The following RGS7 variants were observed in gnomAD, a reference collection of about 807,000 sequenced individuals.
The protein encoded by RGS7 is regulator of G-protein signaling 7.
In RGS7, 27 loss-of-function variants were observed where a neutral mutation model predicts 81.1. The observed-to-expected ratio is 0.33, with a 90% CI of 0.25 to 0.46. The LOEUF (loss-of-function observed/expected upper bound fraction) is 0.46, where lower values mean the gene tolerates loss of function less well. Among genes scored for constraint, RGS7 ranks in the 20% least tolerant of loss-of-function variants. The probability of loss-of-function intolerance (pLI) is 1.00; values close to 1 mark genes in which losing one functional copy is unlikely to be tolerated. For missense variants in RGS7, 396 were observed against 607.4 expected (o/e 0.65, Z 3.66); for synonymous variants, 208 against 207.7 (o/e 1.00, Z -0.01).
intron 2 of RGS7, among the ~76,000 whole-genome samples, chr1:241,307,237 T>C (rs1334701069): frequency 6.6e-6 from 1 of 152,158 alleles, no homozygotes; most frequent in Non-Finnish European, 1.5e-5. Context: ...CTGAAAATGC[T>C]CTCTTTCTAC....
intron 3 of RGS7, among the ~76,000 whole-genome samples, chr1:241,045,403 G>A (rs922044215): frequency 1.3e-5 from 2 of 151,748 alleles, no homozygotes; most frequent in South Asian, 2.1e-4. Context: ...TCACTGTGTC[G>A]CCCAGGCTGG....
chr1:241,316,653 C>T (rs1426485545), intron 2 of RGS7, among the ~76,000 whole-genome samples: 1 of 152,096 alleles, frequency 6.6e-6, no homozygotes, highest in Admixed American at 6.5e-5. Context: ...CTGGTGAAGA[C>T]GGTTTACTAG....
At position 240,973,614 on chromosome 1, in the gene RGS7, G is replaced by T. The variant is rs571063339; in HGVS notation, c.226+9465C>A. On this transcript the variant is annotated intron_variant, in intron 4 of 18. Transcript: ENST00000440928. ...AGAGACATTCTTTTTTTTGGAGATGGAGTCTCGCTCTGTTGCCCAGGCTGG... is the reference window on the plus strand; with the variant it reads ...AGAGACATTCTTTTTTTTGGAGATGTAGTCTCGCTCTGTTGCCCAGGCTGG... Among the ~76,000 whole-genome samples, 3 of 151,874 alleles carry T rather than the reference G, an allele frequency of 2.0e-5. No homozygotes were observed. The South Asian group carries it at 6.2e-4, about 32-fold the overall frequency.
intron 2 of RGS7, among the ~76,000 whole-genome samples, chr1:241,242,739 G>A (rs991010775): frequency 6.6e-6 from 1 of 152,120 alleles, no homozygotes; most frequent in African/African-American, 2.4e-5. Flanking sequence ...TAGTGATGTT[G>A]AGGATTTTTT....
At chr1:240,863,544 A>T (rs1422409433) in intron 9 of RGS7, among the ~76,000 whole-genome samples, 1 of 152,230 alleles carries the variant, frequency 6.6e-6, no homozygotes, top group Non-Finnish European at 1.5e-5. Context: ...AGGTTGTTAC[A>T]CAATATTATC....
chr1:240,862,944 T>TGC lies in RGS7; in HGVS notation c.609+5642_609+5643insGC, dbSNP rs540956526. Among the ~76,000 whole-genome samples, 297 of 151,886 alleles carry TGC rather than the reference T, an allele frequency of 2.0e-3. 3 individuals carry two copies. The highest frequency in any genetic ancestry group is 6.9e-3 in the African/African-American group (287 of 41,396). ...CTAAATATGTGTGTGTGTGTGTGTG[T>TGC]GTGTGTGTGTGTTTGTGTGTGTATT... On this transcript the variant is annotated intron_variant, in intron 9 of 18. Coordinates refer to ENST00000440928, the MANE Select transcript of RGS7 (RefSeq NM_001364886.1).
chr1:241,340,193 T>C lies in RGS7; in HGVS notation c.78+15506A>G, dbSNP rs80321095. ...ACCACATCGATTAAAAGAAATATTA[T>C]GAAAAGAATGCATAATTGCCTGAGA... On this transcript the variant is annotated intron_variant, in intron 2 of 18. Transcript: ENST00000440928. 5.3e-3 allele frequency among the ~76,000 whole-genome samples: 801 copies of C among 152,280 alleles called. 4 individuals carry two copies. The highest frequency in any genetic ancestry group is 0.018 in the African/African-American group (733 of 41,564).
intron 3 of RGS7, among the ~76,000 whole-genome samples, chr1:241,016,449 C>A (rs1850630): frequency 6.6e-6 from 1 of 151,794 alleles, no homozygotes; most frequent in African/African-American, 2.4e-5. Flanking sequence ...ACCCAGGAGG[C>A]GGAGGTTGCA....
intron 2 of RGS7, among the ~76,000 whole-genome samples, chr1:241,261,125 G>A (rs2148282776): frequency 6.6e-6 from 1 of 151,656 alleles, no homozygotes; most frequent in Non-Finnish European, 1.5e-5. Context: ...ACAAACAAAA[G>A]GCAGTGTTTT....
intron 3 of RGS7, among the ~76,000 whole-genome samples, chr1:241,025,255 G>A (rs2059728199): frequency 6.6e-6 from 1 of 152,208 alleles, no homozygotes; most frequent in African/African-American, 2.4e-5. Flanking sequence ...AGAAGTAGTG[G>A]CAGCAACATC....
At chr1:240,814,219 A>G (rs753300564) in intron 12 of RGS7, among the ~76,000 whole-genome samples, 6 of 152,254 alleles carry the variant, frequency 3.9e-5, no homozygotes, top group Non-Finnish European at 8.8e-5. Flanking sequence ...GGGAGGTAGG[A>G]TTTGGCAATG....
chr1:241,161,802 C>T (rs540354245), intron 2 of RGS7, among the ~76,000 whole-genome samples: 1 of 151,352 alleles, frequency 6.6e-6, no homozygotes, highest in East Asian at 1.9e-4. Flanking sequence ...ACTGCAACCT[C>T]CACCTCCCAG....
intron 3 of RGS7, among the ~76,000 whole-genome samples, chr1:240,985,511 A>T (rs1479567721): frequency 6.6e-6 from 1 of 152,168 alleles, no homozygotes; most frequent in Non-Finnish European, 1.5e-5. Flanking sequence ...AGAGAATAGG[A>T]AACTTTCTTT....
chr1:240,910,192 G>A (rs1244026493), intron 6 of RGS7, among the ~76,000 whole-genome samples: 2 of 151,760 alleles, frequency 1.3e-5, no homozygotes, highest in Non-Finnish European at 2.9e-5. Flanking sequence ...ATCAAGTTTC[G>A]GTTCCTCAAA....
intron 4 of RGS7, among the ~76,000 whole-genome samples, chr1:240,945,208 G>C (rs60832438): frequency 0.31 from 46,991 of 152,106 alleles, 7,692 homozygotes; most frequent in Admixed American, 0.37. Context: ...TCTTGCCATT[G>C]CCCATGTCCC....
intron 2 of RGS7, among the ~76,000 whole-genome samples, chr1:241,222,307 T>C (rs2075061493): frequency 6.6e-6 from 1 of 152,178 alleles, no homozygotes; most frequent in Non-Finnish European, 1.5e-5. Context: ...TCTTAAAGCT[T>C]TGAGAAAGTA....
chr1:241,177,724 C>T (rs564242865), intron 2 of RGS7, among the ~76,000 whole-genome samples: 6 of 152,156 alleles, frequency 3.9e-5, no homozygotes, highest in African/African-American at 1.2e-4. Context: ...ATTCAAGATA[C>T]ATTTTTGGAG....
intron 3 of RGS7, among the ~76,000 whole-genome samples, chr1:241,032,274 C>T (rs2060118823): frequency 6.6e-6 from 1 of 152,160 alleles, no homozygotes; most frequent in Non-Finnish European, 1.5e-5. Context: ...AGTCTAAGAT[C>T]AGTTGACTGC....
intron 2 of RGS7, among the ~76,000 whole-genome samples, chr1:241,302,874 C>CTT (rs2148508404): frequency 6.6e-6 from 1 of 152,010 alleles, no homozygotes; most frequent in South Asian, 2.1e-4. Context: ...TCTTTTCTTT[C>CTT]TTTCTTTCTT....
Sources: gnomAD v4.1 joint callset for allele counts (sites outside exome capture counted in the v4.1 genomes callset) on GRCh38, gnomAD v4.1.1 for gene constraint, MANE v1.5 for transcripts, NCBI Gene and HGNC (gene_info 2026-07-23, HGNC 2026-07-21) for gene names.